The following OTUD7A variants were observed in gnomAD, a reference collection of about 807,000 sequenced individuals.
The protein encoded by OTUD7A is OTU deubiquitinase 7A.
In OTUD7A, 12 loss-of-function variants were observed where a neutral mutation model predicts 65.7. That is an observed-to-expected ratio of 0.18 (90% CI 0.12 to 0.30). The LOEUF (loss-of-function observed/expected upper bound fraction) is 0.30, where lower values mean the gene tolerates loss of function less well. OTUD7A is among the 10% of genes least tolerant of loss of function. The pLI is 1.00. For synonymous variants in OTUD7A, 641 were observed against 586.3 expected, an observed-to-expected ratio of 1.09 and a Z score of -1.35; for missense variants, 1,148 against 1,304.8, an observed-to-expected ratio of 0.88 and a Z score of 1.85.
At chr15:31,679,110 G>C (rs1349996551) in intron 1 of OTUD7A, among the ~76,000 whole-genome samples, 1 of 152,156 alleles carries the variant, frequency 6.6e-6, no homozygotes, top group Non-Finnish European at 1.5e-5. Context: ...CTGGATTTTG[G>C]ACTTGCATGG....
At chr15:31,761,367 G>C (rs1448042360) in intron 1 of OTUD7A, among the ~76,000 whole-genome samples, 1 of 152,098 alleles carries the variant, frequency 6.6e-6, no homozygotes, top group Non-Finnish European at 1.5e-5. Flanking sequence ...CAAAGGATTT[G>C]AATAGATATT....
chr15:31,849,316 T>G (rs922717184), intron 1 of OTUD7A, among the ~76,000 whole-genome samples: 5 of 152,200 alleles, frequency 3.3e-5, no homozygotes, highest in Non-Finnish European at 7.3e-5. Flanking sequence ...GATTCTCTAT[T>G]TAATAAATGG....
At chr15:31,846,646 G>A (rs1429989215) in intron 1 of OTUD7A, among the ~76,000 whole-genome samples, 1 of 152,026 alleles carries the variant, frequency 6.6e-6, no homozygotes, top group African/African-American at 2.4e-5. Flanking sequence ...TCAATATCCA[G>A]TTCAACAACC....
chr15:31,541,663 A>T (rs1342542350), intron 5 of OTUD7A, among the ~76,000 whole-genome samples: 1 of 152,214 alleles, frequency 6.6e-6, no homozygotes, highest in East Asian at 1.9e-4. Flanking sequence ...ACCGGAAATA[A>T]ATATGGGATG....
rs960251727 is a variant in OTUD7A at position 31,498,445 on chromosome 15, G to C, written c.1171+3245C>G. On this transcript the variant is annotated intron_variant, in intron 10 of 12. Coordinates refer to ENST00000307050, the MANE Select transcript of OTUD7A (RefSeq NM_001382637.1). This position sits in a 1 kb window ranked among gnomAD's most constrained non-coding sequence, Gnocchi z 4.2. Reference sequence around the variant, plus strand: ...TGGACAATGTTTGCTATAAAAGGAGGGGAGTTGGGATTGTTGCACTGGATG... The same window carrying C: ...TGGACAATGTTTGCTATAAAAGGAGCGGAGTTGGGATTGTTGCACTGGATG... Among the ~76,000 whole-genome samples the C allele has an allele frequency of 6.6e-6, 1 of 152,174 alleles. No individual in the cohort carries two copies. The highest frequency in any genetic ancestry group is 2.4e-5 in the African/African-American group (1 of 41,434).
intron 12 of OTUD7A, among the ~76,000 whole-genome samples, chr15:31,486,786 G>A (rs1479820575): frequency 1.3e-5 from 2 of 152,252 alleles, no homozygotes; most frequent in East Asian, 1.9e-4. Flanking sequence ...TCCGCTCTGC[G>A]GCAGCACATT....
intron 1 of OTUD7A, among the ~76,000 whole-genome samples, chr15:31,717,068 C>T (rs1893607962): frequency 6.6e-6 from 1 of 152,180 alleles, no homozygotes; most frequent in Non-Finnish European, 1.5e-5. Flanking sequence ...ATTCTCTCCA[C>T]ATACAAGTCT....
At chr15:31,667,495 C>T (rs1405084638) in intron 1 of OTUD7A, among the ~76,000 whole-genome samples, 2 of 152,130 alleles carry the variant, frequency 1.3e-5, no homozygotes, top group Non-Finnish European at 2.9e-5. Flanking sequence ...TTTTCCACCC[C>T]TTTACTTTAA....
At position 31,527,254 on chromosome 15, in the gene OTUD7A, A is replaced by T; in HGVS notation, c.707T>A (p.Met236Lys). 6.2e-7 allele frequency: 1 copy of T among 1,614,118 alleles called. No homozygotes were observed. Among genetic ancestry groups the T allele is most frequent in the Non-Finnish European group, 8.5e-7 (1 of 1,180,022 alleles). Residue 236 changes from methionine (M) to lysine (K), a missense_variant, in exon 7 of 13, where the codon ATG becomes AAG. Transcript: ENST00000307050. ...TTCCCTCTCAGCTCCCGTCCTCATC[A>T]TGGTATAGAGAGCTTTCCGTAACAC... ...DLVLRKALYT[M>K]MRTGAEREAL...
In OTUD7A at chr15:31,527,387, C is replaced by T. The variant is rs1406017589; in HGVS notation, c.653-79G>A. The T allele has an allele frequency of 1.2e-5, 19 of 1,536,048 alleles. No individual in the cohort carries two copies. The East Asian group carries it at 2.0e-4, about 17-fold the overall frequency. ...AAGCCAGAGGTGATGCAAACTACCA[C>T]GACCCACTGGGAGAGCCTCCTGTCT... On this transcript the variant is annotated intron_variant, in intron 6 of 12. Transcript: ENST00000307050.
chr15:31,761,648 T>C (rs1438239147), intron 1 of OTUD7A, among the ~76,000 whole-genome samples: 1 of 152,228 alleles, frequency 6.6e-6, no homozygotes, highest in African/African-American at 2.4e-5. Context: ...AATTCCCATA[T>C]GACCCAGACA....
At chr15:31,788,548 T>C (rs998824939) in intron 1 of OTUD7A, among the ~76,000 whole-genome samples, 46 of 152,198 alleles carry the variant, frequency 3.0e-4, no homozygotes, top group African/African-American at 1.1e-3. Flanking sequence ...TGAGAAGCTA[T>C]TTTCACATTC....
chr15:31,589,304 T>A (rs916936124), intron 3 of OTUD7A, among the ~76,000 whole-genome samples: 30 of 69,730 alleles, frequency 4.3e-4, no homozygotes, highest in African/African-American at 3.9e-3. Context: ...TTTTTCTGGG[T>A]TTTTTTTTTT....
chr15:31,776,141 C>CGG (rs1319535355), intron 1 of OTUD7A, among the ~76,000 whole-genome samples: 1 of 152,220 alleles, frequency 6.6e-6, no homozygotes, highest in Non-Finnish European at 1.5e-5. Context: ...GCCTATGCTT[C>CGG]GGGCTGCCCC....
At chr15:31,855,623 A>C (rs1051396182) in intron 1 of OTUD7A, among the ~76,000 whole-genome samples, 1 of 152,240 alleles carries the variant, frequency 6.6e-6, no homozygotes, top group Non-Finnish European at 1.5e-5. Flanking sequence ...CTGTGGAAAC[A>C]AGTTATCTAA....
At chr15:31,781,986 T>C (rs1250622943) in intron 1 of OTUD7A, among the ~76,000 whole-genome samples, 3 of 152,254 alleles carry the variant, frequency 2.0e-5, no homozygotes, top group Non-Finnish European at 4.4e-5. Context: ...AACACAGTTA[T>C]AAAGCTTGTT....
chr15:31,485,638 C>T (rs997921913), intron 12 of OTUD7A, among the ~76,000 whole-genome samples: 7 of 152,138 alleles, frequency 4.6e-5, no homozygotes, highest in African/African-American at 1.7e-4. Context: ...TAGGGACCTC[C>T]CTGGGTGAGG....
At chr15:31,800,254 T>G (rs992269568) in intron 1 of OTUD7A, among the ~76,000 whole-genome samples, 3 of 152,138 alleles carry the variant, frequency 2.0e-5, no homozygotes, top group Non-Finnish European at 2.9e-5. Flanking sequence ...CAGGCTGGCC[T>G]CACCTAGACG....
chr15:31,799,319 A>T lies in OTUD7A; in HGVS notation c.-100+71188T>A, dbSNP rs145029967. ...GATGAGAAAACACTTTCAGAGAGGGAAGCAAGTCTCTCCATTACACAGTTC... is the reference window on the plus strand; with the variant it reads ...GATGAGAAAACACTTTCAGAGAGGGTAGCAAGTCTCTCCATTACACAGTTC... On this transcript the variant is annotated intron_variant, in intron 1 of 12. Coordinates refer to ENST00000307050, the MANE Select transcript of OTUD7A (RefSeq NM_001382637.1). 6.0e-3 allele frequency among the ~76,000 whole-genome samples: 908 copies of T among 152,248 alleles called. 9 individuals carry two copies. Among genetic ancestry groups the T allele is most frequent in the African/African-American group, 0.019 (807 of 41,532 alleles).
Sources: gnomAD v4.1 joint callset for allele counts (sites outside exome capture counted in the v4.1 genomes callset) on GRCh38, gnomAD v4.1.1 for gene constraint, Gnocchi (gnomAD v3.1) non-coding constraint, MANE v1.5 for transcripts, NCBI Gene and HGNC (gene_info 2026-07-23, HGNC 2026-07-21) for gene names.